Variants in SDK2 observed in about 807,000 individuals in gnomAD.
SDK2 encodes the protein sidekick cell adhesion molecule 2.
Under a neutral mutation model 253.9 loss-of-function variants are expected in SDK2, and 105 were observed. That is an observed-to-expected ratio of 0.41 (90% CI 0.35 to 0.49). The LOEUF is 0.49. Ranked by LOEUF, SDK2 falls within the 20% of genes least tolerant of loss-of-function variation. The pLI is 0.06. For synonymous variants in SDK2, 1,249 were observed against 1,234.9 expected (o/e 1.01, Z -0.24); for missense variants, 2,608 against 3,003.0 (o/e 0.87, Z 3.07).
chr17:73,355,152 A>C (rs2062576026), intron 40 of SDK2, among the ~76,000 whole-genome samples: 1 of 98,138 alleles, frequency 1.0e-5, no homozygotes. Context: ...TCTGCCTCCT[A>C]CACCTCCATA....
Position 73,414,664 on chromosome 17 carries a change from C to T in SDK2, c.2464G>A (p.Gly822Ser), listed in dbSNP as rs781695457. The T allele has an allele frequency of 2.5e-6, 4 of 1,613,792 alleles. No homozygotes were observed. The highest frequency in any genetic ancestry group is 3.4e-6 in the Non-Finnish European group (4 of 1,179,778). ...TGTACCTTGTAGCCCTGGTTGATGC[C>T]GTTGATGAACTGGGGGCTGGGGGCG... The part of the protein sequence containing the change: ...WNAPSPQFIN[G>S]INQGYKLIAW... Residue 822 changes from glycine (G) to serine (S), a missense_variant, in exon 18 of 45, where the codon GGC becomes AGC. By Grantham distance (56) the Gly-to-Ser change is moderately conservative. This residue lies in a region of SDK2 where 1,505 missense variants were observed against 1,859.1 expected (regional missense o/e 0.81). Coordinates refer to ENST00000392650, the MANE Select transcript of SDK2 (RefSeq NM_001144952.2).
At chr17:73,549,253 G>T (rs1410117110) in intron 1 of SDK2, among the ~76,000 whole-genome samples, 1 of 152,214 alleles carries the variant, frequency 6.6e-6, no homozygotes, top group African/African-American at 2.4e-5. Context: ...GGAGGCAATT[G>T]CCTCCTCCTG....
intron 18 of SDK2, among the ~76,000 whole-genome samples, chr17:73,412,197 TATAC>T (rs745548102): frequency 1.3e-5 from 2 of 149,012 alleles, no homozygotes; most frequent in Non-Finnish European, 3.0e-5. Flanking sequence ...CATACACACA[TATAC>T]ATATATGTAT....
chr17:73,503,335 T>C (rs1010914418), intron 2 of SDK2, among the ~76,000 whole-genome samples: 3 of 152,210 alleles, frequency 2.0e-5, no homozygotes, highest in Non-Finnish European at 4.4e-5. Context: ...TTCCCAACTG[T>C]GAAAATTGTG....
chr17:73,641,683 TC>T lies in SDK2; in HGVS notation c.64+2341del, dbSNP rs372898920. 5.4e-3 allele frequency among the ~76,000 whole-genome samples: 816 copies of T among 151,808 alleles called. 6 individuals carry two copies. Among genetic ancestry groups the T allele is most frequent in the Middle Eastern group, 0.024 (7 of 294 alleles). On this transcript the variant is annotated intron_variant, in intron 1 of 44. Transcript: ENST00000392650. ...TCTCAAGGGAGGAACAATTGTTTCG[TC>T]CCTCGTTCTGTGCCATGCCTGGAGA...
intron 39 of SDK2, among the ~76,000 whole-genome samples, chr17:73,360,921 G>C (rs2062634245): frequency 6.7e-6 from 1 of 149,572 alleles, no homozygotes; most frequent in Admixed American, 6.6e-5. Flanking sequence ...GGATGACAGA[G>C]CGAGACTCTG....
chr17:73,642,688 G>A lies in SDK2; in HGVS notation c.64+1337C>T, dbSNP rs1258220554. 1.3e-5 allele frequency among the ~76,000 whole-genome samples: 2 copies of A among 152,166 alleles called. No individual in the cohort carries two copies. Among genetic ancestry groups the A allele is most frequent in the South Asian group, 4.1e-4 (2 of 4,824 alleles). ...ATCTGTTAAATGGCTACTAGAATAA[G>A]ATGACCTCTGAGGTCCTCGCTTGTT... On this transcript the variant is annotated intron_variant, in intron 1 of 44. Coordinates refer to ENST00000392650, the MANE Select transcript of SDK2 (RefSeq NM_001144952.2). This position sits in a 1 kb window ranked among gnomAD's most constrained non-coding sequence, Gnocchi z 4.7.
At chr17:73,510,893 G>C (rs1464471906) in intron 1 of SDK2, among the ~76,000 whole-genome samples, 2 of 152,206 alleles carry the variant, frequency 1.3e-5, no homozygotes, top group South Asian at 4.1e-4. Flanking sequence ...AAAAACAGTT[G>C]AGAAGATGCT....
At chr17:73,369,099 C>G in intron 36 of SDK2, 2 of 460,464 alleles carry the variant, frequency 4.3e-6, no homozygotes, top group Middle Eastern at 3.3e-4. Flanking sequence ...CTCTGCCAGA[C>G]AGTAAACTCC....
At chr17:73,424,897 G>A (rs1362800355) in intron 12 of SDK2, among the ~76,000 whole-genome samples, 1 of 152,210 alleles carries the variant, frequency 6.6e-6, no homozygotes, top group South Asian at 2.1e-4. Flanking sequence ...TAGGGAGAGT[G>A]AATCTGTAAT....
At chr17:73,388,785 T>TCCCTC (rs1469068399) in intron 29 of SDK2, among the ~76,000 whole-genome samples, 2 of 104,824 alleles carry the variant, frequency 1.9e-5, no homozygotes, top group Non-Finnish European at 4.0e-5. Flanking sequence ...CTTCCTTCCT[T>TCCCTC]CCTTCCCTCC....
At chr17:73,542,497 G>T (rs1306122070) in intron 1 of SDK2, among the ~76,000 whole-genome samples, 1 of 152,242 alleles carries the variant, frequency 6.6e-6, no homozygotes, top group East Asian at 1.9e-4. Flanking sequence ...GCCTGGTGGT[G>T]AGCAGCACAG....
intron 29 of SDK2, among the ~76,000 whole-genome samples, chr17:73,388,973 T>TCCCCTTCCCCTTCCCCTTC (rs113883034): frequency 1.3e-5 from 1 of 76,370 alleles, no homozygotes; most frequent in African/African-American, 6.4e-5. Context: ...TCTCCTCCCT[T>TCCCCTTCCCCTTCCCCTTC]CCCTTCCCCT....
chr17:73,624,789 A>G (rs547519480), intron 1 of SDK2, among the ~76,000 whole-genome samples: 1 of 152,250 alleles, frequency 6.6e-6, no homozygotes, highest in Non-Finnish European at 1.5e-5. Flanking sequence ...TCACGAGGGG[A>G]AGATGCAACT....
At chr17:73,488,464 A>G (rs2063783779) in intron 2 of SDK2, among the ~76,000 whole-genome samples, 1 of 152,246 alleles carries the variant, frequency 6.6e-6, no homozygotes, top group Non-Finnish European at 1.5e-5. Context: ...TTTTGTCTGC[A>G]AGAAGCAGGA....
At chr17:73,513,350 C>T (rs532163104) in intron 1 of SDK2, among the ~76,000 whole-genome samples, 1 of 152,302 alleles carries the variant, frequency 6.6e-6, no homozygotes, top group Non-Finnish European at 1.5e-5. Flanking sequence ...CTGGAACTCA[C>T]ACAAAGATGC....
rs1313063947 is a variant in SDK2, at chr17:73,365,283, C to T, written c.5280G>A (p.Val1760=). Residue 1760 remains valine (V), a synonymous_variant, in exon 38 of 45, where the codon GTG becomes GTA. Coordinates refer to ENST00000392650, the MANE Select transcript of SDK2 (RefSeq NM_001144952.2). The part of the protein sequence containing the change: ...PNGILEGYRL[V]YEPCSPVDGV... Reference sequence around the variant, plus strand: ...CATCCACGGGGCTGCAGGGCTCGTACACCAGCCTGTAGCCCTCCAGGATGC... The same window carrying T: ...CATCCACGGGGCTGCAGGGCTCGTATACCAGCCTGTAGCCCTCCAGGATGC... 6.2e-7 allele frequency: 1 copy of T among 1,611,904 alleles called. No individual in the cohort carries two copies. Among genetic ancestry groups the T allele is most frequent in the Non-Finnish European group, 8.5e-7 (1 of 1,178,984 alleles).
At chr17:73,613,217 C>T (rs1158708222) in intron 1 of SDK2, among the ~76,000 whole-genome samples, 1 of 152,148 alleles carries the variant, frequency 6.6e-6, no homozygotes, top group African/African-American at 2.4e-5. Flanking sequence ...TCTCCATAAT[C>T]CTGTGGCTGG....
intron 29 of SDK2, among the ~76,000 whole-genome samples, chr17:73,388,550 C>T (rs2062894002): frequency 6.6e-6 from 1 of 152,094 alleles, no homozygotes; most frequent in Non-Finnish European, 1.5e-5. Context: ...CGGGGGCATC[C>T]TATGCAATGC....
Sources: gnomAD v4.1 joint callset for allele counts (sites outside exome capture counted in the v4.1 genomes callset) on GRCh38, gnomAD v4.1.1 for gene constraint, gnomAD v4.1.1 regional missense constraint, Gnocchi (gnomAD v3.1) non-coding constraint, MANE v1.5 for transcripts, NCBI Gene and HGNC (gene_info 2026-07-23, HGNC 2026-07-21) for gene names.